LDAH: variants seen among roughly 807,000 people sequenced by gnomAD.
LDAH encodes lipid droplet associated hydrolase.
Under a neutral mutation model 29.6 loss-of-function variants are expected in LDAH, and 26 were observed. The ratio of observed to expected loss-of-function variants is 0.88; its 90% confidence interval spans 0.64 to 1.22. The LOEUF is 1.22. LDAH is among the 50% of genes most tolerant of loss of function. LDAH has a pLI of 0.00. For missense variants in LDAH, 344 were observed against 387.3 expected (o/e 0.89, Z 0.94); for synonymous variants, 117 against 133.0 (o/e 0.88, Z 0.83).
intron 4 of LDAH, among the ~76,000 whole-genome samples, chr2:20,743,175 T>C (rs1229120594): frequency 1.3e-5 from 2 of 152,202 alleles, no homozygotes; most frequent in African/African-American, 2.4e-5. Context: ...TTCTGCCTTT[T>C]GTGGTTTTAA....
chr2:20,703,068 C>T (rs377469234), intron 5 of LDAH, among the ~76,000 whole-genome samples: 38 of 152,298 alleles, frequency 2.5e-4, no homozygotes, highest in African/African-American at 8.4e-4. Flanking sequence ...TCAGAAGATC[C>T]GCCTGCCTTG....
chr2:20,683,557 A>T (rs1441876103), downstream of LDAH, among the ~76,000 whole-genome samples: 1 of 152,218 alleles, frequency 6.6e-6, no homozygotes, highest in Admixed American at 6.5e-5. Context: ...CTGTTAGAAC[A>T]TCCTGGGCTG....
intron 5 of LDAH, among the ~76,000 whole-genome samples, chr2:20,725,980 T>A (rs960553796): frequency 2.6e-5 from 4 of 152,250 alleles, no homozygotes; most frequent in Non-Finnish European, 4.4e-5. Flanking sequence ...ACCTCTGGAC[T>A]GCCTATGCCT....
At chr2:20,792,220 T>C (rs573361502) in intron 2 of LDAH, among the ~76,000 whole-genome samples, 96 of 152,276 alleles carry the variant, frequency 6.3e-4, no homozygotes, top group African/African-American at 2.1e-3. Flanking sequence ...CATATTCACA[T>C]GTCTTACGTT....
At chr2:20,809,519 T>TAC (rs891052167) in intron 1 of LDAH, among the ~76,000 whole-genome samples, 1 of 152,132 alleles carries the variant, frequency 6.6e-6, no homozygotes, top group African/African-American at 2.4e-5. Flanking sequence ...ACTATACATA[T>TAC]ACACACACAC....
chr2:20,710,643 G>GTATACATATATATACACATATATAT (rs201239016), intron 5 of LDAH, among the ~76,000 whole-genome samples: 22 of 138,480 alleles, frequency 1.6e-4, no homozygotes, highest in African/African-American at 2.1e-4. Flanking sequence ...TAGATATATA[G>GTATACATATATATACACATATATAT]TATACATATA....
chr2:20,786,662 C>CCTA (rs1031596713), intron 3 of LDAH, among the ~76,000 whole-genome samples: 1 of 152,056 alleles, frequency 6.6e-6, no homozygotes, highest in African/African-American at 2.4e-5. Flanking sequence ...AAGGTAGAGG[C>CCTA]CTGTAGACAT....
At chr2:20,743,327 T>TTA (rs1667334128) in intron 4 of LDAH, among the ~76,000 whole-genome samples, 1 of 139,260 alleles carries the variant, frequency 7.2e-6, no homozygotes, top group South Asian at 2.2e-4. Flanking sequence ...TTTTTTTTTT[T>TTA]ATTATACTTT....
chr2:20,733,557 C>A lies in LDAH; in HGVS notation c.703+6414G>T, dbSNP rs1028067277. 3.9e-5 allele frequency among the ~76,000 whole-genome samples: 6 copies of A among 152,030 alleles called. No individual in the cohort carries two copies. In the East Asian group the frequency reaches 1.2e-3, roughly 29 times the overall value. ...TAGGACCTGTTACAGGTGTGCGACACCATGCCCAGCTAATTTTTGTATTTT... is the reference window on the plus strand; with the variant it reads ...TAGGACCTGTTACAGGTGTGCGACAACATGCCCAGCTAATTTTTGTATTTT... On this transcript the variant is annotated intron_variant, in intron 5 of 6. Coordinates refer to ENST00000237822, the MANE Select transcript of LDAH (RefSeq NM_021925.4).
At chr2:20,749,555 C>A (rs1667812047) in intron 4 of LDAH, among the ~76,000 whole-genome samples, 1 of 152,136 alleles carries the variant, frequency 6.6e-6, no homozygotes, top group Non-Finnish European at 1.5e-5. Context: ...CACAGCACAG[C>A]CCCAGCCACA....
chr2:20,788,030 A>G (rs1670679035), intron 3 of LDAH, among the ~76,000 whole-genome samples: 2 of 152,230 alleles, frequency 1.3e-5, no homozygotes, highest in African/African-American at 4.8e-5. Flanking sequence ...ACCATTATGA[A>G]GTTTTAGTAT....
intron 3 of LDAH, among the ~76,000 whole-genome samples, chr2:20,775,370 A>T (rs1191923626): frequency 6.6e-6 from 1 of 152,022 alleles, no homozygotes. Context: ...AATCCCCTTA[A>T]AGGCTTGTTA....
At chr2:20,761,830 C>T (rs17721559) in intron 4 of LDAH, among the ~76,000 whole-genome samples, 28,853 of 151,482 alleles carry the variant, frequency 0.19, 3,050 homozygotes, top group Admixed American at 0.26. Flanking sequence ...CAACTTTCTG[C>T]TCTAAAGTAA....
At position 20,711,159 on chromosome 2, in the gene LDAH, C is replaced by T. The variant is rs184693232; in HGVS notation, c.704-9507G>A. 1.7e-3 allele frequency among the ~76,000 whole-genome samples: 263 copies of T among 152,030 alleles called. 4 individuals are homozygous for T. In the South Asian group the frequency reaches 0.043, roughly 25 times the overall value. On this transcript the variant is annotated intron_variant, in intron 5 of 6. Transcript: ENST00000237822. ...ATCCCAGCACTTTGGGAGGCTGAGA[C>T]GGGCGGATCACAAGGTCAGGAGATC...
chr2:20,805,746 T>C (rs1672023054), intron 1 of LDAH, among the ~76,000 whole-genome samples: 1 of 152,252 alleles, frequency 6.6e-6, no homozygotes, highest in South Asian at 2.1e-4. Context: ...TTAAATCTCA[T>C]ACAAACCTAG....
chr2:20,781,484 C>T (rs918728836), intron 3 of LDAH, among the ~76,000 whole-genome samples: 1 of 152,136 alleles, frequency 6.6e-6, no homozygotes, highest in African/African-American at 2.4e-5. Flanking sequence ...AAATCAGTAC[C>T]TTAGGACAAT....
At chr2:20,687,886 C>T (rs547741302) in intron 6 of LDAH, among the ~76,000 whole-genome samples, 1 of 152,300 alleles carries the variant, frequency 6.6e-6, no homozygotes, top group Non-Finnish European at 1.5e-5. Context: ...CAGATAGTGG[C>T]AATTTCTACA....
chr2:20,789,076 CTCTT>C, intron 3 of LDAH: 3 of 1,518,784 alleles, frequency 2.0e-6, no homozygotes, highest in Non-Finnish European at 2.7e-6. Context: ...TTCTGTGCTA[CTCTT>C]TCTGTCTGTT....
At chr2:20,688,828 C>CTTTTTT (rs57543886) in intron 6 of LDAH, among the ~76,000 whole-genome samples, 9 of 111,998 alleles carry the variant, frequency 8.0e-5, no homozygotes, top group Non-Finnish European at 1.2e-4. Flanking sequence ...TGGAGGTTTC[C>CTTTTTT]TTTTTTTTTT....
Sources: gnomAD v4.1 joint callset for allele counts (sites outside exome capture counted in the v4.1 genomes callset) on GRCh38, gnomAD v4.1.1 for gene constraint, MANE v1.5 for transcripts, NCBI Gene and HGNC (gene_info 2026-07-23, HGNC 2026-07-21) for gene names.